The following AUTS2 variants were observed in gnomAD, a reference collection of about 807,000 sequenced individuals.
The protein encoded by AUTS2 is activator of transcription and developmental regulator AUTS2.
AUTS2 carries 17 observed loss-of-function variants against 112.4 expected under a neutral mutation model. The ratio of observed to expected loss-of-function variants is 0.15; its 90% confidence interval spans 0.10 to 0.23. The LOEUF (loss-of-function observed/expected upper bound fraction) is 0.23, where lower values mean the gene tolerates loss of function less well. Ranked by LOEUF, AUTS2 falls within the 10% of genes least tolerant of loss-of-function variation. The probability of loss-of-function intolerance (pLI) is 1.00; values close to 1 mark genes in which losing one functional copy is unlikely to be tolerated. For synonymous variants in AUTS2, 751 were observed against 702.7 expected (o/e 1.07, Z -1.09); for missense variants, 1,510 against 1,701.6 (o/e 0.89, Z 1.98).
chr7:70,270,038 C>T (rs1787614782), intron 4 of AUTS2, among the ~76,000 whole-genome samples: 1 of 150,586 alleles, frequency 6.6e-6, no homozygotes, highest in African/African-American at 2.4e-5. Flanking sequence ...GACCTTGTCT[C>T]AAAAAAAACA....
chr7:70,019,223 G>T (rs569983216), intron 2 of AUTS2, among the ~76,000 whole-genome samples: 1 of 152,234 alleles, frequency 6.6e-6, no homozygotes, highest in South Asian at 2.1e-4. Flanking sequence ...GAGAACACAT[G>T]GTTACATAGA....
At chr7:70,072,565 A>G (rs988227772) in intron 2 of AUTS2, among the ~76,000 whole-genome samples, 1 of 152,212 alleles carries the variant, frequency 6.6e-6, no homozygotes, top group Non-Finnish European at 1.5e-5. Flanking sequence ...GCACTAGTGC[A>G]AAACAGGAAT....
chr7:69,909,052 C>G (rs77213072), intron 2 of AUTS2, among the ~76,000 whole-genome samples: 12,850 of 152,186 alleles, frequency 0.084, 624 homozygotes, highest in East Asian at 0.13. Flanking sequence ...ATAAACTGTA[C>G]TTATTTTTTA....
intron 5 of AUTS2, among the ~76,000 whole-genome samples, chr7:70,562,579 C>T (rs1271933212): frequency 3.9e-5 from 6 of 152,184 alleles, no homozygotes; most frequent in Admixed American, 2.6e-4. Context: ...GCACTTACCA[C>T]GTGGCATCAT....
At chr7:70,119,913 TCCAGAAAG>T (rs1805595816) in intron 3 of AUTS2, 2 of 152,188 alleles carry the variant, frequency 1.3e-5, no homozygotes, top group Non-Finnish European at 2.9e-5. Flanking sequence ...TTCATTGAGT[TCCAGAAAG>T]AAAATACTAG....
intron 2 of AUTS2, among the ~76,000 whole-genome samples, chr7:69,982,228 T>G (rs1216915531): frequency 6.6e-6 from 1 of 152,154 alleles, no homozygotes; most frequent in Non-Finnish European, 1.5e-5. Flanking sequence ...CCTTTTCTTC[T>G]TGACTGCTCT....
chr7:70,540,337 A>G (rs1284718300), intron 5 of AUTS2, among the ~76,000 whole-genome samples: 1 of 152,090 alleles, frequency 6.6e-6, no homozygotes, highest in Non-Finnish European at 1.5e-5. Context: ...ATATGTGGGG[A>G]GCCTACTGGG....
Position 70,046,960 on chromosome 7 carries a change from A to G in AUTS2, c.523-71172A>G, listed in dbSNP as rs976130931. ...TCCATTGTGTTCTTAATAGGGCTAG[A>G]TAACCTGAGAACCAGTTGGTTTTTT... On this transcript the variant is annotated intron_variant, in intron 2 of 18. Transcript: ENST00000342771. 2.0e-5 allele frequency among the ~76,000 whole-genome samples: 3 copies of G among 152,206 alleles called. No homozygotes were observed. In the South Asian group the frequency reaches 6.2e-4, roughly 32 times the overall value.
At chr7:70,066,722 TAG>T (rs1022618853) in intron 2 of AUTS2, among the ~76,000 whole-genome samples, 22 of 152,096 alleles carry the variant, frequency 1.4e-4, no homozygotes, top group Non-Finnish European at 3.1e-4. Context: ...GTATTTTTAG[TAG>T]AGACAGGGTT....
intron 1 of AUTS2, among the ~76,000 whole-genome samples, chr7:69,606,571 T>C (rs1210226383): frequency 6.6e-6 from 1 of 152,222 alleles, no homozygotes; most frequent in East Asian, 1.9e-4. Context: ...GCTGTTTTTT[T>C]CCTCCTCAAG....
intron 2 of AUTS2, among the ~76,000 whole-genome samples, chr7:69,978,823 A>G (rs1307521086): frequency 1.3e-5 from 2 of 150,254 alleles, no homozygotes; most frequent in Non-Finnish European, 3.0e-5. Context: ...TCCAGCCTGG[A>G]CGGACAGGGC....
intron 2 of AUTS2, among the ~76,000 whole-genome samples, chr7:69,927,506 C>T (rs1169224309): frequency 3.3e-5 from 5 of 152,166 alleles, no homozygotes; most frequent in Non-Finnish European, 5.9e-5. Flanking sequence ...CTTCGTCAGC[C>T]AGAAACCTCT....
intron 12 of AUTS2, 67 bp from the exon 13 acceptor site, chr7:70,775,290 A>G: frequency 1.4e-6 from 2 of 1,380,946 alleles, no homozygotes; most frequent in Non-Finnish European, 2.0e-6. Flanking sequence ...AAGCACTACA[A>G]ATTTGTTAAT....
intron 1 of AUTS2, among the ~76,000 whole-genome samples, chr7:69,865,208 G>A (rs73168739): frequency 6.6e-6 from 1 of 151,862 alleles, no homozygotes; most frequent in East Asian, 1.9e-4. Flanking sequence ...AGCAAGTGGG[G>A]AGTGGGAGTT....
At chr7:70,245,119 C>CAAA (rs61068581) in intron 4 of AUTS2, among the ~76,000 whole-genome samples, 1 of 65,052 alleles carries the variant, frequency 1.5e-5, no homozygotes. Context: ...GATCCTGCCT[C>CAAA]AAAAAAAAAA....
At chr7:70,639,397 C>T (rs1805691049) in intron 5 of AUTS2, among the ~76,000 whole-genome samples, 2 of 151,814 alleles carry the variant, frequency 1.3e-5, no homozygotes, top group South Asian at 4.2e-4. Context: ...AAACAGGGAG[C>T]TTGGGCCCAG....
At chr7:70,186,550 A>G (rs139253342) in intron 4 of AUTS2, among the ~76,000 whole-genome samples, 6 of 152,282 alleles carry the variant, frequency 3.9e-5, no homozygotes, top group Admixed American at 3.9e-4. Context: ...AATATCTAAC[A>G]TACTACATTA....
Position 70,503,081 on chromosome 7 carries a change from G to A in AUTS2, c.690+67300G>A, listed in dbSNP as rs556197399. ...GGAGGAAAGGAGCACTTCTCCAGAG[G>A]GAGAACCAGGGGAAACGAGGTAGCA... On this transcript the variant is annotated intron_variant, in intron 5 of 18. Transcript: ENST00000342771. Among the ~76,000 whole-genome samples, 116 of 152,200 alleles carry A rather than the reference G, an allele frequency of 7.6e-4. 1 individual carries two copies. The highest frequency in any genetic ancestry group is 2.6e-3 in the African/African-American group (106 of 41,550).
chr7:70,568,453 T>A (rs896569324), intron 5 of AUTS2, among the ~76,000 whole-genome samples: 4 of 152,280 alleles, frequency 2.6e-5, no homozygotes, highest in Admixed American at 2.0e-4. Context: ...GTTACTTTTT[T>A]AAATGTTTTT....
Sources: gnomAD v4.1 joint callset for allele counts (sites outside exome capture counted in the v4.1 genomes callset) on GRCh38, gnomAD v4.1.1 for gene constraint, MANE v1.5 for transcripts, NCBI Gene and HGNC (gene_info 2026-07-23, HGNC 2026-07-21) for gene names.